The following NRXN1 variants were observed in gnomAD, a reference collection of about 807,000 sequenced individuals.
NRXN1 encodes neurexin-1.
Under a neutral mutation model 150.9 loss-of-function variants are expected in NRXN1, and 39 were observed. The ratio of observed to expected loss-of-function variants is 0.26; its 90% CI spans 0.20 to 0.34. The LOEUF (loss-of-function observed/expected upper bound fraction) is 0.34, where lower values mean the gene tolerates loss of function less well. Ranked by LOEUF, NRXN1 falls within the 10% of genes least tolerant of loss-of-function variation. The pLI, the probability that NRXN1 is intolerant of heterozygous loss-of-function variation, is 1.00. For synonymous variants in NRXN1, 924 were observed against 757.0 expected, an observed-to-expected ratio of 1.22 and a Z score of -3.62; for missense variants, 1,815 against 1,949.9, an observed-to-expected ratio of 0.93 and a Z score of 1.30.
At chr2:50,715,409 C>T (rs930053636) in intron 5 of NRXN1, among the ~76,000 whole-genome samples, 3 of 152,086 alleles carry the variant, frequency 2.0e-5, no homozygotes. Flanking sequence ...AATAAAAATG[C>T]TTCTCACAGG....
At chr2:50,215,316 A>C (rs2152849183) in intron 18 of NRXN1, among the ~76,000 whole-genome samples, 1 of 152,154 alleles carries the variant, frequency 6.6e-6, no homozygotes, top group South Asian at 2.1e-4. Context: ...GCACATTTTA[A>C]AATAAAGGCC....
intron 18 of NRXN1, among the ~76,000 whole-genome samples, chr2:50,101,203 G>A (rs375050661): frequency 6.6e-6 from 1 of 151,936 alleles, no homozygotes; most frequent in South Asian, 2.1e-4. Flanking sequence ...AGGAAACTAT[G>A]GGCAATACAT....
intron 5 of NRXN1, among the ~76,000 whole-genome samples, chr2:50,638,300 AC>A (rs1683533022): frequency 6.6e-6 from 1 of 152,100 alleles, no homozygotes; most frequent in Non-Finnish European, 1.5e-5. Flanking sequence ...AGTTCCAATG[AC>A]CAGTTTATTT....
intron 19 of NRXN1, among the ~76,000 whole-genome samples, chr2:50,058,610 C>T (rs1323647660): frequency 6.6e-6 from 1 of 152,160 alleles, no homozygotes; most frequent in African/African-American, 2.4e-5. Context: ...AAATTATATG[C>T]AGATACATTG....
At chr2:50,431,075 A>G (rs1433379280) in intron 17 of NRXN1, among the ~76,000 whole-genome samples, 2 of 152,060 alleles carry the variant, frequency 1.3e-5, no homozygotes, top group Admixed American at 6.6e-5. Flanking sequence ...GCTTTTTAAA[A>G]TCTCATCCTC....
chr2:50,584,830 G>T (rs1478331030), intron 8 of NRXN1, among the ~76,000 whole-genome samples: 1 of 152,148 alleles, frequency 6.6e-6, no homozygotes, highest in African/African-American at 2.4e-5. Context: ...ATATCTATAT[G>T]AATGTGATGG....
chr2:49,965,211 AG>A (rs1410794983), intron 21 of NRXN1, among the ~76,000 whole-genome samples: 1 of 151,074 alleles, frequency 6.6e-6, no homozygotes, highest in Non-Finnish European at 1.5e-5. Context: ...CTTGTGTCTA[AG>A]AAAAAATTTT....
intron 17 of NRXN1, among the ~76,000 whole-genome samples, chr2:50,449,675 T>C (rs1001533831): frequency 1.3e-5 from 2 of 152,190 alleles, no homozygotes; most frequent in African/African-American, 2.4e-5. Flanking sequence ...TACATGGGTA[T>C]ATGTCACTAC....
intron 17 of NRXN1, among the ~76,000 whole-genome samples, chr2:50,328,021 C>T (rs969488915): frequency 2.6e-5 from 4 of 151,646 alleles, no homozygotes; most frequent in Non-Finnish European, 5.9e-5. Context: ...TCTGATTTTC[C>T]TCGTAGGATT....
chr2:50,158,253 T>C (rs951611675), intron 18 of NRXN1, among the ~76,000 whole-genome samples: 3 of 151,662 alleles, frequency 2.0e-5, no homozygotes, highest in Admixed American at 6.6e-5. Flanking sequence ...GGAGCGTTCA[T>C]CAGAGCCCAC....
chr2:50,387,199 G>C (rs2081383606), intron 17 of NRXN1, among the ~76,000 whole-genome samples: 1 of 152,154 alleles, frequency 6.6e-6, no homozygotes, highest in African/African-American at 2.4e-5. Context: ...GAATGAAAAG[G>C]AGGTGGTGAA....
chr2:50,965,463 TA>T (rs955914805), intron 2 of NRXN1, among the ~76,000 whole-genome samples: 3 of 151,314 alleles, frequency 2.0e-5, no homozygotes, highest in African/African-American at 7.3e-5. Flanking sequence ...GTTTGATTTT[TA>T]AAAAAAATAA....
intron 18 of NRXN1, among the ~76,000 whole-genome samples, chr2:50,169,867 T>C (rs2059923565): frequency 6.6e-6 from 1 of 151,892 alleles, no homozygotes; most frequent in African/African-American, 2.4e-5. Context: ...GTTGGGCAGT[T>C]TGGTACAGTA....
intron 2 of NRXN1, among the ~76,000 whole-genome samples, chr2:51,026,673 C>T (rs1366649558): frequency 1.3e-5 from 2 of 152,154 alleles, no homozygotes; most frequent in Non-Finnish European, 2.9e-5. Context: ...CCAGCAACAT[C>T]TAAATTTCTC....
chr2:50,185,796 C>T (rs999273355), intron 18 of NRXN1: 2 of 152,080 alleles, frequency 1.3e-5, no homozygotes, highest in African/African-American at 4.8e-5. Context: ...TTATTTCTTA[C>T]AACAACTAGC....
chr2:50,914,898 T>C (rs1277135830), intron 5 of NRXN1, among the ~76,000 whole-genome samples: 1 of 151,654 alleles, frequency 6.6e-6, no homozygotes. Context: ...GTCACTGCTC[T>C]AGGGACCCTT....
intron 5 of NRXN1, among the ~76,000 whole-genome samples, chr2:50,627,353 ATGTATGTG>A (rs1245148184): frequency 4.9e-5 from 4 of 81,232 alleles, no homozygotes; most frequent in Non-Finnish European, 7.0e-5. Context: ...GTTCTGGTTC[ATGTATGTG>A]TGTGTGTGTG....
At chr2:50,759,779 T>A (rs1261286903) in intron 5 of NRXN1, among the ~76,000 whole-genome samples, 5 of 151,668 alleles carry the variant, frequency 3.3e-5, no homozygotes, top group African/African-American at 1.2e-4. Context: ...TGTCAATTAA[T>A]CTGCAAACTT....
intron 17 of NRXN1, among the ~76,000 whole-genome samples, chr2:50,365,515 A>G (rs1209179550): frequency 6.6e-6 from 1 of 152,092 alleles, no homozygotes; most frequent in East Asian, 1.9e-4. Context: ...TCTATAGTGA[A>G]TTACTTTTAT....
Sources: allele counts gnomAD v4.1 joint callset (sites outside exome capture counted in the v4.1 genomes callset), GRCh38; gene constraint gnomAD v4.1.1; transcripts MANE v1.5; gene names NCBI Gene and HGNC (gene_info 2026-07-23, HGNC 2026-07-21).